The following HEPH variants were observed in gnomAD, a reference collection of about 807,000 sequenced individuals.
HEPH encodes hephaestin.
HEPH carries 69 observed loss-of-function variants against 80.8 expected under a neutral mutation model. The ratio of observed to expected loss-of-function variants is 0.85; its 90% CI spans 0.70 to 1.04. The LOEUF is 1.04. Ranked by LOEUF, HEPH falls within the 50% of genes least tolerant of loss-of-function variation. The pLI is 0.00. For missense variants in HEPH, 1,115 were observed against 891.3 expected, an observed-to-expected ratio of 1.25 and a Z score of -3.20; for synonymous variants, 431 against 322.8, an observed-to-expected ratio of 1.34 and a Z score of -3.60.
chrX:66,207,325 G>A lies in HEPH; in HGVS notation c.2422G>A (p.Gly808Arg), dbSNP rs1419665622. The A allele has an allele frequency of 4.2e-6, 5 of 1,179,034 alleles. No individual in the cohort carries two copies. The highest frequency in any genetic ancestry group is 5.7e-6 in the Non-Finnish European group (5 of 877,063). ...RPRTGPEEHL[G>R]ILGPLIKGEV... ...AAGGACTGGACCAGAAGAACACTTG[G>A]GAATCTTGGGTAAGGGAATTCTACT... Residue 808 changes from glycine to arginine, a missense_variant, in exon 14 of 21, where the codon GGA becomes AGA. By Grantham distance (125) the Gly-to-Arg change is moderately radical (BLOSUM62 -2). Transcript: ENST00000343002.
chrX:66,208,684 A>G (rs1335326205), intron 15 of HEPH, among the ~76,000 whole-genome samples: 1 of 89,944 alleles, frequency 1.1e-5, no homozygotes, highest in African/African-American at 3.9e-5. Flanking sequence ...ATATGAGCTT[A>G]GAGACCTGAA....
At chrX:66,202,936 T>C (rs926750011) in intron 12 of HEPH, among the ~76,000 whole-genome samples, 6 of 101,897 alleles carry the variant, frequency 5.9e-5, no homozygotes, top group Non-Finnish European at 1.2e-4. Context: ...TATATATATA[T>C]ATACACACAC....
intron 15 of HEPH, among the ~76,000 whole-genome samples, chrX:66,209,445 C>G (rs1276383781): frequency 9.0e-6 from 1 of 111,461 alleles, no homozygotes; most frequent in Non-Finnish European, 1.9e-5. Flanking sequence ...GCTGCTAGTT[C>G]AGAAACTACA....
chrX:66,180,048 T>A (rs2087021644), intron 4 of HEPH, among the ~76,000 whole-genome samples: 1 of 111,800 alleles, frequency 8.9e-6, no homozygotes, highest in African/African-American at 3.2e-5. Context: ...TTGTATTTTT[T>A]AAGTGGGGCA....
intron 15 of HEPH, among the ~76,000 whole-genome samples, chrX:66,209,922 G>A (rs1265772828): frequency 9.0e-6 from 1 of 111,391 alleles, no homozygotes; most frequent in East Asian, 2.8e-4. Flanking sequence ...CATAAAGATA[G>A]ACTTACAGAT....
intron 15 of HEPH, among the ~76,000 whole-genome samples, chrX:66,222,179 G>T (rs1300063998): frequency 8.8e-6 from 1 of 113,125 alleles, no homozygotes; most frequent in Non-Finnish European, 1.9e-5. Context: ...TTTCCTCCCT[G>T]TCATGAGAGA....
chrX:66,253,463 TA>T (rs2091070759), intron 15 of HEPH, among the ~76,000 whole-genome samples: 1 of 112,060 alleles, frequency 8.9e-6, no homozygotes, highest in Admixed American at 9.4e-5. Flanking sequence ...AAGCAGACAA[TA>T]ACTAATTTTC....
chrX:66,177,831 C>A, intron 4 of HEPH, among the ~76,000 whole-genome samples: 1 of 111,308 alleles, frequency 9.0e-6, no homozygotes, highest in Non-Finnish European at 1.9e-5. Context: ...TGCACTCTTT[C>A]AATCTTTTTG....
chrX:66,195,906 A>T (rs147142263), intron 9 of HEPH, among the ~76,000 whole-genome samples: 75 of 111,887 alleles, frequency 6.7e-4, no homozygotes, highest in Middle Eastern at 4.6e-3. Context: ...ATATTAATGC[A>T]TGCTAATTCT....
intron 16 of HEPH, 34 bp from the exon 17 acceptor site, chrX:66,256,071 T>C (rs766175610): frequency 9.0e-7 from 1 of 1,112,153 alleles, no homozygotes; most frequent in Non-Finnish European, 1.2e-6. Flanking sequence ...CAACTCCATC[T>C]CTTTCTCTCT....
intron 9 of HEPH, among the ~76,000 whole-genome samples, chrX:66,197,462 G>A (rs1352961961): frequency 9.0e-6 from 1 of 111,448 alleles, no homozygotes; most frequent in Non-Finnish European, 1.9e-5. Flanking sequence ...ACATAGGGAA[G>A]ATTAAATTGC....
At chrX:66,246,804 C>T (rs761664867) in intron 15 of HEPH, among the ~76,000 whole-genome samples, 5 of 111,978 alleles carry the variant, frequency 4.5e-5, no homozygotes, top group Non-Finnish European at 9.4e-5. Flanking sequence ...GACATGGTTT[C>T]TCTGTTGATT....
chrX:66,228,975 T>A (rs759788308), intron 15 of HEPH, among the ~76,000 whole-genome samples: 113 of 112,546 alleles, frequency 1.0e-3, no homozygotes, highest in Non-Finnish European at 1.8e-3. Flanking sequence ...GTGTGAAGAT[T>A]CCTTAAAGAA....
intron 7 of HEPH, 123 bp downstream of exon 7, chrX:66,192,421 A>G: frequency 1.3e-6 from 1 of 752,400 alleles, no homozygotes; most frequent in Non-Finnish European, 1.9e-6. Flanking sequence ...GGCTGGGGTT[A>G]CATGAACCAA....
rs185344300 is a variant in HEPH at position 66,263,636 on chromosome X, C to G, written c.3200-8C>G. ...GGCTAACCTCTTGTCTTTTTTCCCC[C>G]CAACCAGAACACTTAAGCCCTCTCA... On this transcript the variant is annotated splice_polypyrimidine_tract_variant and splice_region_variant and intron_variant, in intron 19 of 20. Transcript: ENST00000343002. The G allele has an allele frequency of 1.8e-4, 214 of 1,207,574 alleles. 1 individual carries two copies. In the East Asian group the frequency reaches 6.1e-3, roughly 34 times the overall value.
intron 15 of HEPH, among the ~76,000 whole-genome samples, chrX:66,238,123 G>A (rs1435757000): frequency 9.0e-6 from 1 of 111,578 alleles, no homozygotes; most frequent in East Asian, 2.8e-4. Flanking sequence ...TTACATTCAA[G>A]GTTAGTATAG....
At chrX:66,252,024 T>C (rs1317654897) in intron 15 of HEPH, among the ~76,000 whole-genome samples, 1 of 111,846 alleles carries the variant, frequency 8.9e-6, no homozygotes, top group East Asian at 2.8e-4. Context: ...ATTGTAGTTT[T>C]TCAGGTGCCA....
At chrX:66,221,415 A>T (rs1301153507) in intron 15 of HEPH, among the ~76,000 whole-genome samples, 1 of 112,780 alleles carries the variant, frequency 8.9e-6, no homozygotes, top group African/African-American at 3.2e-5. Context: ...AGCATTTGTT[A>T]ACCAATAATG....
At chrX:66,232,969 C>A (rs2090213644) in intron 15 of HEPH, among the ~76,000 whole-genome samples, 1 of 110,210 alleles carries the variant, frequency 9.1e-6, no homozygotes, top group African/African-American at 3.3e-5. Context: ...TTTATAAGGA[C>A]CCTGTATACA....
Sources: gnomAD v4.1 joint callset for allele counts (sites outside exome capture counted in the v4.1 genomes callset) on GRCh38, gnomAD v4.1.1 for gene constraint, MANE v1.5 for transcripts, NCBI Gene and HGNC (gene_info 2026-07-23, HGNC 2026-07-21) for gene names.